PCBP3: variants seen among roughly 807,000 people sequenced by gnomAD.
PCBP3 encodes poly(rC)-binding protein 3.
In PCBP3, 25 loss-of-function variants were observed where a neutral mutation model predicts 52.7. That is an observed-to-expected ratio of 0.47 (90% CI 0.35 to 0.66). The LOEUF is 0.66. Among genes scored for constraint, PCBP3 ranks in the 30% least tolerant of loss-of-function variants. The pLI, the probability that PCBP3 is intolerant of heterozygous loss-of-function variation, is 0.01. For synonymous variants in PCBP3, 162 were observed against 183.0 expected, an observed-to-expected ratio of 0.89 and a Z score of 0.93; for missense variants, 391 against 490.3, an observed-to-expected ratio of 0.80 and a Z score of 1.91.
At chr21:45,897,883 G>A (rs1384313093) in intron 6 of PCBP3, among the ~76,000 whole-genome samples, 3 of 152,204 alleles carry the variant, frequency 2.0e-5, no homozygotes, top group Non-Finnish European at 2.9e-5. Context: ...CCACAGCACA[G>A]GGTCCCCCAG....
intron 4 of PCBP3, among the ~76,000 whole-genome samples, chr21:45,792,714 A>C (rs956798197): frequency 4.6e-5 from 7 of 152,234 alleles, no homozygotes; most frequent in Non-Finnish European, 7.3e-5. Context: ...ACCACAGAAG[A>C]CATGCAGACA....
At chr21:45,896,669 G>A (rs2095837505) in intron 6 of PCBP3, among the ~76,000 whole-genome samples, 1 of 130,850 alleles carries the variant, frequency 7.6e-6, no homozygotes, top group African/African-American at 2.5e-5. Flanking sequence ...GCACTGCCCG[G>A]GCCATTGGCA....
chr21:45,917,361 G>GTA lies in PCBP3; in HGVS notation c.676-227_676-226insTA. 2 of 428,322 alleles carry GTA rather than the reference G, an allele frequency of 4.7e-6. No homozygotes were observed. The highest frequency in any genetic ancestry group is 4.3e-6 in the Non-Finnish European group (1 of 230,652). 26.5% of individuals were successfully genotyped at this position (428,322 alleles called of 1,614,324 possible). On this transcript the variant is annotated intron_variant, in intron 12 of 17. Transcript: ENST00000681687. This position sits in a 1 kb window ranked among gnomAD's most constrained non-coding sequence, Gnocchi z 5.3. ...CTGAACTGTTTCCCTCCCACCCGCTGAACTGGCCAGCTCAGCTCTGCCCGC... is the reference window on the plus strand; with the variant it reads ...CTGAACTGTTTCCCTCCCACCCGCTGTAAACTGGCCAGCTCAGCTCTGCCCGC...
At chr21:45,820,192 C>T (rs1437440295) in intron 4 of PCBP3, among the ~76,000 whole-genome samples, 1 of 152,238 alleles carries the variant, frequency 6.6e-6, no homozygotes, top group South Asian at 2.1e-4. Context: ...GGCCTTCTCC[C>T]GGCTGTCAGG....
chr21:45,876,032 T>A (rs1444559117), intron 5 of PCBP3, among the ~76,000 whole-genome samples: 1 of 152,128 alleles, frequency 6.6e-6, no homozygotes, highest in Admixed American at 6.5e-5. Flanking sequence ...GCTGGACCCT[T>A]TTTCATGGGC....
chr21:45,655,814 A>G (rs2079980245), intron 1 of PCBP3, among the ~76,000 whole-genome samples: 1 of 151,606 alleles, frequency 6.6e-6, no homozygotes, highest in Non-Finnish European at 1.5e-5. Context: ...AATTTTCAAG[A>G]AAAAAAAACC....
intron 4 of PCBP3, among the ~76,000 whole-genome samples, chr21:45,834,663 A>T (rs1441064199): frequency 6.6e-6 from 1 of 152,228 alleles, no homozygotes; most frequent in Admixed American, 6.5e-5. Flanking sequence ...TGGCGTGCAG[A>T]TGGAAGTAGG....
intron 1 of PCBP3, among the ~76,000 whole-genome samples, chr21:45,665,430 A>AT (rs2080730650): frequency 6.6e-6 from 1 of 152,024 alleles, no homozygotes; most frequent in Non-Finnish European, 1.5e-5. Context: ...AGTGCTACTG[A>AT]TTTTTGTTAG....
At chr21:45,816,700 T>C (rs2092973863) in intron 4 of PCBP3, among the ~76,000 whole-genome samples, 1 of 150,344 alleles carries the variant, frequency 6.7e-6, no homozygotes, top group Non-Finnish European at 1.5e-5. Flanking sequence ...GCCTGCTTCT[T>C]GACACCTCCT....
chr21:45,686,754 G>T (rs550750930), intron 2 of PCBP3, among the ~76,000 whole-genome samples: 6 of 152,228 alleles, frequency 3.9e-5, no homozygotes, highest in Non-Finnish European at 7.4e-5. Flanking sequence ...ATAAATATCA[G>T]AAATGAAAAC....
intron 5 of PCBP3, among the ~76,000 whole-genome samples, chr21:45,890,318 G>A (rs566970440): frequency 1.9e-4 from 29 of 152,364 alleles, no homozygotes; most frequent in African/African-American, 6.5e-4. Flanking sequence ...TGAGGGAAAT[G>A]TGGATAACAG....
At chr21:45,664,451 GA>G (rs1354602440) in intron 1 of PCBP3, among the ~76,000 whole-genome samples, 1 of 146,562 alleles carries the variant, frequency 6.8e-6, no homozygotes. Context: ...TATGAGAAGT[GA>G]AAAAAAAAGT....
rs889148866 is a variant in PCBP3, at chr21:45,663,369, C to T, written c.-278-5505C>T. ...CCGCGTCTTGGTGGTAGTGGTCGCC[C>T]GGGCCCAGCTGTTTTTTCTTTTATC... is the stretch of plus-strand genomic sequence containing the variant. On this transcript the variant is annotated intron_variant, in intron 1 of 17. Coordinates refer to ENST00000681687, the MANE Select transcript of PCBP3 (RefSeq NM_001384156.1). Among the ~76,000 whole-genome samples the T allele has an allele frequency of 5.2e-4, 79 of 152,136 alleles. No homozygotes were observed. In the South Asian group the frequency reaches 5.4e-3, roughly 10 times the overall value.
At chr21:45,699,988 T>A (rs1227053173) in intron 2 of PCBP3, among the ~76,000 whole-genome samples, 1 of 152,216 alleles carries the variant, frequency 6.6e-6, no homozygotes, top group African/African-American at 2.4e-5. Context: ...CCCCAAAGTC[T>A]TAACTCATTT....
intron 4 of PCBP3, among the ~76,000 whole-genome samples, chr21:45,819,005 C>T (rs55780126): frequency 0.16 from 23,662 of 152,184 alleles, 2,002 homozygotes; most frequent in Middle Eastern, 0.3. Context: ...AAGAGTTGGG[C>T]GGAGAGATGG....
chr21:45,711,326 T>G (rs1200595488), intron 2 of PCBP3, among the ~76,000 whole-genome samples: 1 of 152,222 alleles, frequency 6.6e-6, no homozygotes, highest in Non-Finnish European at 1.5e-5. Flanking sequence ...AACCTGTGTG[T>G]ATATACATCT....
chr21:45,882,593 C>T (rs1014805696), intron 5 of PCBP3, among the ~76,000 whole-genome samples: 5 of 152,116 alleles, frequency 3.3e-5, no homozygotes, highest in Non-Finnish European at 1.5e-5. Flanking sequence ...AAAAAAAAAT[C>T]ATTAACTAAA....
Position 45,827,223 on chromosome 21 carries a change from G to T in PCBP3, c.-125-22738G>T, listed in dbSNP as rs2093331322. ...ATCTGGGCATCAGCTGAGGCCAGGG[G>T]CGGAACCTAGATGCCTCTTCTAACC... On this transcript the variant is annotated intron_variant, in intron 4 of 17. Transcript: ENST00000681687. The surrounding 1 kb of genome is among the most constrained non-coding windows in gnomAD (Gnocchi z 4.3). 6.6e-6 allele frequency among the ~76,000 whole-genome samples: 1 copy of T among 152,184 alleles called. No homozygotes were observed.
At chr21:45,727,855 G>T (rs1369772343) in intron 2 of PCBP3, among the ~76,000 whole-genome samples, 1 of 152,222 alleles carries the variant, frequency 6.6e-6, no homozygotes, top group African/African-American at 2.4e-5. Context: ...CAAAGCATCA[G>T]ACACAGAAAA....
Sources: allele counts gnomAD v4.1 joint callset (sites outside exome capture counted in the v4.1 genomes callset), GRCh38; gene constraint gnomAD v4.1.1; non-coding constraint Gnocchi (gnomAD v3.1); transcripts MANE v1.5; gene names NCBI Gene and HGNC (gene_info 2026-07-23, HGNC 2026-07-21).